SYPL1: variants seen among roughly 807,000 people sequenced by gnomAD.
SYPL1 encodes synaptophysin like 1.
Under a neutral mutation model 23.7 loss-of-function variants are expected in SYPL1, and 6 were observed. The observed-to-expected ratio is 0.25, with a 90% CI of 0.14 to 0.50. The LOEUF is 0.50. SYPL1 is among the 20% of genes least tolerant of loss of function. The pLI is 0.98. For synonymous variants in SYPL1, 102 were observed against 104.5 expected, an observed-to-expected ratio of 0.98 and a Z score of 0.15; for missense variants, 253 against 288.9, an observed-to-expected ratio of 0.88 and a Z score of 0.90.
At chr7:106,101,902 C>T (rs552495672) in intron 1 of SYPL1, among the ~76,000 whole-genome samples, 6 of 151,726 alleles carry the variant, frequency 4.0e-5, no homozygotes, top group African/African-American at 9.7e-5. Context: ...TTGTAGATCA[C>T]GGAGGAAAGG....
At chr7:106,110,049 T>C (rs1267314115) in intron 1 of SYPL1, among the ~76,000 whole-genome samples, 1 of 152,120 alleles carries the variant, frequency 6.6e-6, no homozygotes, top group Admixed American at 6.5e-5. Context: ...CCATCCCCTA[T>C]GGCAGGGATT....
rs1790181727 is a variant in SYPL1 at position 106,112,004 on chromosome 7, G to T, written c.69+136C>A. The T allele has an allele frequency of 2.8e-6, 3 of 1,084,306 alleles. No homozygotes were observed. In the South Asian group the frequency reaches 1.4e-4, roughly 49 times the overall value. 67.2% of individuals were successfully genotyped at this position (1,084,306 alleles called of 1,614,324 possible). A position where few individuals can be genotyped will look rare whatever the true frequency, so the allele number is the denominator to read the frequency against. On this transcript the variant is annotated intron_variant, in intron 1 of 4. Coordinates refer to ENST00000455385, the MANE Select transcript of SYPL1 (RefSeq NM_182715.4). The stretch of plus-strand genomic sequence containing the variant: ...CCGCGGCCTCCCTGCCCTCCCTGCC[G>T]TCCACTCCCAGTCCCGGGGCGGCGG...
At chr7:106,111,850 G>C (rs1790167578) in intron 1 of SYPL1, 1 of 192,226 alleles carries the variant, frequency 5.2e-6, no homozygotes, top group South Asian at 1.9e-4. Flanking sequence ...GGGGAAATTT[G>C]AACTCCCACT....
At chr7:106,098,621 C>T (rs1380446183) in intron 2 of SYPL1, among the ~76,000 whole-genome samples, 2 of 152,156 alleles carry the variant, frequency 1.3e-5, no homozygotes, top group African/African-American at 4.8e-5. Flanking sequence ...ATAAACTTTT[C>T]AATGGATACT....
chr7:106,093,530 GCTCA>G, intron 3 of SYPL1, among the ~76,000 whole-genome samples: 1 of 151,638 alleles, frequency 6.6e-6, no homozygotes, highest in East Asian at 1.9e-4. Flanking sequence ...CCTCTTTCCA[GCTCA>G]CTGTCTCTGG....
At position 106,097,918 on chromosome 7, in the gene SYPL1, A is replaced by G; in HGVS notation, c.195-21T>C. 1 of 1,590,116 alleles carries G rather than the reference A, an allele frequency of 6.3e-7. No individual in the cohort carries two copies. The highest frequency in any genetic ancestry group is 8.6e-7 in the Non-Finnish European group (1 of 1,162,754). Reference sequence around the variant, plus strand: ...TCAACCTATTAAAATAAATGTATGAATTATTGGACTTTCCCAACAGAGACA... The same window carrying G: ...TCAACCTATTAAAATAAATGTATGAGTTATTGGACTTTCCCAACAGAGACA... On this transcript the variant is annotated intron_variant, in intron 2 of 4. Transcript: ENST00000455385. This position sits in a 1 kb window ranked among gnomAD's most constrained non-coding sequence, Gnocchi z 4.6.
chr7:106,110,531 C>T (rs1046876592), intron 1 of SYPL1, among the ~76,000 whole-genome samples: 5 of 152,160 alleles, frequency 3.3e-5, no homozygotes, highest in African/African-American at 7.2e-5. Context: ...ATGTGGTATG[C>T]TAGTGTTTAG....
rs1395139351 is a variant in SYPL1, at chr7:106,095,861, G to C, written c.402+1829C>G. ...TTTACGTTTCTGAATGATGCAACTA[G>C]GTCAGTTTTATAGTTTTATCAGACA... is the stretch of plus-strand genomic sequence containing the variant. On this transcript the variant is annotated intron_variant, in intron 3 of 4. Transcript: ENST00000455385. The surrounding 1 kb of genome is among the most constrained non-coding windows in gnomAD (Gnocchi z 4.3). 6.6e-6 allele frequency among the ~76,000 whole-genome samples: 1 copy of C among 152,010 alleles called. No individual in the cohort carries two copies. The highest frequency in any genetic ancestry group is 1.5e-5 in the Non-Finnish European group (1 of 68,024).
At position 106,095,645 on chromosome 7, in the gene SYPL1, C is replaced by A. The variant is rs1000618625; in HGVS notation, c.402+2045G>T. On this transcript the variant is annotated intron_variant, in intron 3 of 4. Transcript: ENST00000455385. This position sits in a 1 kb window ranked among gnomAD's most constrained non-coding sequence, Gnocchi z 4.3. ...GGGATTACAGGCATGACCCACTGCA[C>A]CCAGTCTCTCAAAGAAAATCTTTTA... Among the ~76,000 whole-genome samples, 1 of 152,098 alleles carries A rather than the reference C, an allele frequency of 6.6e-6. No homozygotes were observed. The highest frequency in any genetic ancestry group is 2.4e-5 in the African/African-American group (1 of 41,424).
chr7:106,106,089 T>A (rs928358156), intron 1 of SYPL1, among the ~76,000 whole-genome samples: 1 of 152,112 alleles, frequency 6.6e-6, no homozygotes, highest in Non-Finnish European at 1.5e-5. Flanking sequence ...CAATAAAAAA[T>A]TATCAGAATA....
At chr7:106,112,348 G>A (rs1234317180), upstream of SYPL1, 1 of 1,253,540 alleles carries the variant, frequency 8.0e-7, no homozygotes, top group South Asian at 3.0e-5. Flanking sequence ...GGGCGGCCGT[G>A]GGGCGGGGCG....
Position 106,104,937 on chromosome 7 carries a change from T to C in SYPL1, c.70-5655A>G, listed in dbSNP as rs1390554569. ...ATTACAAAAAAATGTGAATTTGTTGTCATTGTTTTAATATCAGGGTATTAC... is the reference window on the plus strand; with the variant it reads ...ATTACAAAAAAATGTGAATTTGTTGCCATTGTTTTAATATCAGGGTATTAC... On this transcript the variant is annotated intron_variant, in intron 1 of 4. Transcript: ENST00000455385. The surrounding 1 kb of genome is among the most constrained non-coding windows in gnomAD (Gnocchi z 4.1). Among the ~76,000 whole-genome samples, 3 of 152,234 alleles carry C rather than the reference T, an allele frequency of 2.0e-5. No individual in the cohort carries two copies. In the East Asian group the frequency reaches 5.8e-4, roughly 29 times the overall value.
rs1162639675 is a variant in SYPL1 at position 106,095,036 on chromosome 7, A to C, written c.403-1899T>G. On this transcript the variant is annotated intron_variant, in intron 3 of 4. Coordinates refer to ENST00000455385, the MANE Select transcript of SYPL1 (RefSeq NM_182715.4). This position sits in a 1 kb window ranked among gnomAD's most constrained non-coding sequence, Gnocchi z 4.3. ...GCCTAGGGCAGCTCTACTCCTCCCAACAATTCACAATATGAGTCATAGATT... is the reference window on the plus strand; with the variant it reads ...GCCTAGGGCAGCTCTACTCCTCCCACCAATTCACAATATGAGTCATAGATT... Among the ~76,000 whole-genome samples the C allele has an allele frequency of 6.6e-6, 1 of 152,088 alleles. No homozygotes were observed. The highest frequency in any genetic ancestry group is 2.4e-5 in the African/African-American group (1 of 41,400).
rs888964796 is a variant in SYPL1 at position 106,109,305 on chromosome 7, C to G, written c.69+2835G>C. On this transcript the variant is annotated intron_variant, in intron 1 of 4. Coordinates refer to ENST00000455385, the MANE Select transcript of SYPL1 (RefSeq NM_182715.4). This position sits in a 1 kb window ranked among gnomAD's most constrained non-coding sequence, Gnocchi z 4.3. ...ACAGTCAAACAGCGGTTTATGCTGT[C>G]TTCACTTTCTTACCACACATTCATT... 6.6e-6 allele frequency among the ~76,000 whole-genome samples: 1 copy of G among 152,168 alleles called. No homozygotes were observed. The highest frequency in any genetic ancestry group is 1.5e-5 in the Non-Finnish European group (1 of 68,032).
chr7:106,112,021 G>A (rs1790182979), intron 1 of SYPL1, 119 bp downstream of exon 1: 2 of 1,142,196 alleles, frequency 1.8e-6, no homozygotes, highest in African/African-American at 1.6e-5. Flanking sequence ...CCCAGTCCCG[G>A]GGCGGCGGCC....
At chr7:106,107,650 G>A (rs1840674484) in intron 1 of SYPL1, among the ~76,000 whole-genome samples, 1 of 149,418 alleles carries the variant, frequency 6.7e-6, no homozygotes, top group Admixed American at 6.7e-5. Flanking sequence ...GGTGAGGCAG[G>A]AGAATCACTT....
intron 2 of SYPL1, among the ~76,000 whole-genome samples, chr7:106,098,883 CCT>C (rs1370333030): frequency 4.6e-5 from 7 of 152,170 alleles, no homozygotes; most frequent in Non-Finnish European, 8.8e-5. Context: ...CATTTCCAAT[CCT>C]CTGTTAGAAT....
At position 106,091,049 on chromosome 7, in the gene SYPL1, A is replaced by G. The variant is rs1364103617; in HGVS notation, c.*756T>C. On this transcript the variant is annotated 3_prime_UTR_variant, in exon 5 of 5. Transcript: ENST00000455385. The surrounding 1 kb of genome is among the most constrained non-coding windows in gnomAD (Gnocchi z 5.0). ...ATGAGCAACAAAGGACAGGAAACAA[A>G]TATCACTAAGAGTAATGCCCATACA... The G allele has an allele frequency of 6.6e-6, 1 of 152,248 alleles. No homozygotes were observed. Among genetic ancestry groups the G allele is most frequent in the East Asian group, 1.9e-4 (1 of 5,204 alleles). The allele number at this position is 152,248 out of a possible 1,614,324, so 9.4% of individuals were successfully genotyped here. A position where few individuals can be genotyped will look rare whatever the true frequency, so the allele number is the denominator to read the frequency against.
intron 4 of SYPL1, among the ~76,000 whole-genome samples, chr7:106,092,278 C>G (rs1839770008): frequency 1.3e-5 from 2 of 152,136 alleles, no homozygotes; most frequent in African/African-American, 4.8e-5. Flanking sequence ...ACTTATCACC[C>G]CCTCCTACCA....
Sources: allele counts gnomAD v4.1 joint callset (sites outside exome capture counted in the v4.1 genomes callset), GRCh38; gene constraint gnomAD v4.1.1; non-coding constraint Gnocchi (gnomAD v3.1); transcripts MANE v1.5; gene names NCBI Gene and HGNC (gene_info 2026-07-23, HGNC 2026-07-21).